The following ATP9B variants were observed in gnomAD, a reference collection of about 807,000 sequenced individuals.
The protein encoded by ATP9B is ATPase phospholipid transporting 9B.
ATP9B carries 110 observed loss-of-function variants against 146.1 expected under a neutral mutation model. That is an observed-to-expected ratio of 0.75 (90% confidence interval 0.65 to 0.88). The LOEUF is 0.88. Ranked by LOEUF, ATP9B falls within the 40% of genes least tolerant of loss-of-function variation. ATP9B has a pLI of 0.00. For missense variants in ATP9B, 1,499 were observed against 1,496.4 expected, an observed-to-expected ratio of 1.00 and a Z score of -0.03; for synonymous variants, 604 against 569.7, an observed-to-expected ratio of 1.06 and a Z score of -0.86.
intron 8 of ATP9B, among the ~76,000 whole-genome samples, chr18:79,177,173 C>G (rs963999554): frequency 7.2e-5 from 11 of 152,130 alleles, no homozygotes; most frequent in Non-Finnish European, 1.6e-4. Flanking sequence ...CCCTTCCTCC[C>G]TGTCCTTGCC....
intron 1 of ATP9B, among the ~76,000 whole-genome samples, chr18:79,096,146 G>GT (rs1485902167): frequency 6.6e-6 from 1 of 152,168 alleles, no homozygotes; most frequent in Non-Finnish European, 1.5e-5. Context: ...CAGAAGATTG[G>GT]TTTTTTCTGA....
At chr18:79,074,969 C>T (rs935192874) in intron 1 of ATP9B, among the ~76,000 whole-genome samples, 28 of 152,128 alleles carry the variant, frequency 1.8e-4, no homozygotes, top group African/African-American at 6.3e-4. Flanking sequence ...GGTAACTATT[C>T]TCTGGCTTTT....
At chr18:79,226,545 T>G (rs2095736160) in intron 11 of ATP9B, among the ~76,000 whole-genome samples, 1 of 152,242 alleles carries the variant, frequency 6.6e-6, no homozygotes, top group African/African-American at 2.4e-5. Flanking sequence ...TGAACACTGG[T>G]GAGCACATGA....
chr18:79,272,559 C>A (rs532200304), intron 12 of ATP9B, among the ~76,000 whole-genome samples: 7 of 152,060 alleles, frequency 4.6e-5, no homozygotes, highest in Non-Finnish European at 7.4e-5. Flanking sequence ...GAATCCTGCA[C>A]GGATACGCTT....
chr18:79,100,780 A>G (rs1568175261), intron 2 of ATP9B, among the ~76,000 whole-genome samples: 1 of 152,202 alleles, frequency 6.6e-6, no homozygotes, highest in Non-Finnish European at 1.5e-5. Context: ...CCTCACAATT[A>G]TGGCAGAAGG....
At chr18:79,096,361 A>C (rs2074780034) in intron 1 of ATP9B, 115 bp from the exon 2 acceptor site, 1 of 1,001,576 alleles carries the variant, frequency 1.0e-6, no homozygotes, top group Non-Finnish European at 1.5e-6. Flanking sequence ...TCTTATTTAT[A>C]ATGCTTTCCC....
chr18:79,117,238 A>G (rs918287439), intron 4 of ATP9B: 4 of 152,226 alleles, frequency 2.6e-5, no homozygotes, highest in African/African-American at 9.6e-5. Flanking sequence ...AGTCTAGGTA[A>G]TGTTGATACA....
chr18:79,251,337 TTTA>T (rs1258790089), intron 11 of ATP9B, among the ~76,000 whole-genome samples: 1 of 152,254 alleles, frequency 6.6e-6, no homozygotes, highest in African/African-American at 2.4e-5. Context: ...CCATGAAGTA[TTTA>T]TTAACCGATG....
intron 7 of ATP9B, among the ~76,000 whole-genome samples, chr18:79,156,163 C>T (rs778800318): frequency 2.0e-5 from 3 of 152,186 alleles, no homozygotes; most frequent in Non-Finnish European, 4.4e-5. Context: ...AATCAAGTGA[C>T]TTCTGTATAC....
intron 8 of ATP9B, among the ~76,000 whole-genome samples, chr18:79,178,792 T>C (rs1347322193): frequency 2.0e-5 from 3 of 152,222 alleles, no homozygotes; most frequent in African/African-American, 7.2e-5. Context: ...GGATGTTTTG[T>C]GCTGATGTTC....
chr18:79,343,535 G>C (rs1194114602), intron 20 of ATP9B: 1 of 151,908 alleles, frequency 6.6e-6, no homozygotes, highest in Non-Finnish European at 1.5e-5. Flanking sequence ...TCAGACACTG[G>C]GTAAAAACTA....
intron 14 of ATP9B, among the ~76,000 whole-genome samples, 179 bp from the exon 15 acceptor site, chr18:79,306,807 G>A (rs1290656179): frequency 6.6e-6 from 1 of 152,102 alleles, no homozygotes; most frequent in Non-Finnish European, 1.5e-5. Context: ...GTGCTTCATA[G>A]TACTAGGCTT....
At chr18:79,176,739 G>T in intron 7 of ATP9B, 74 bp from the exon 8 acceptor site, 1 of 1,221,078 alleles carries the variant, frequency 8.2e-7, no homozygotes, top group East Asian at 2.4e-5. Flanking sequence ...ATTATTCTTT[G>T]ATGGCACCTG....
In ATP9B at chr18:79,285,779, T is replaced by G. The variant is rs2096432611; in HGVS notation, c.1411+8583T>G. On this transcript the variant is annotated intron_variant, in intron 13 of 29. Coordinates refer to ENST00000426216, the MANE Select transcript of ATP9B (RefSeq NM_198531.5). ...TAACGTTTAAGTCTTTAATCCATCT[T>G]GAATTAATTTTTGTATAAGGTGTAA... is the stretch of plus-strand genomic sequence containing the variant. Among the ~76,000 whole-genome samples, 4 of 152,232 alleles carry G rather than the reference T, an allele frequency of 2.6e-5. No homozygotes were observed. The South Asian group carries it at 8.3e-4, about 31-fold the overall frequency.
intron 8 of ATP9B, among the ~76,000 whole-genome samples, chr18:79,185,142 T>C (rs949899510): frequency 1.3e-5 from 2 of 151,982 alleles, no homozygotes; most frequent in African/African-American, 4.8e-5. Flanking sequence ...GTAATGAAAA[T>C]GTTCAGTATC....
intron 29 of ATP9B, chr18:79,375,846 T>G (rs1454622306): frequency 1.0e-6 from 1 of 985,448 alleles, no homozygotes; most frequent in Non-Finnish European, 1.2e-6. Context: ...CCTCTAACTC[T>G]GCTCCATAGA....
At chr18:79,335,790 G>C (rs925036636) in intron 17 of ATP9B, among the ~76,000 whole-genome samples, 1 of 152,228 alleles carries the variant, frequency 6.6e-6, no homozygotes, top group Non-Finnish European at 1.5e-5. Flanking sequence ...CAGATTCACG[G>C]AGTTAGTCCC....
chr18:79,345,663 A>G, intron 22 of ATP9B, 91 bp downstream of exon 22: 2 of 1,598,408 alleles, frequency 1.3e-6, no homozygotes. Flanking sequence ...CTCTAAAACT[A>G]GATTGATTTC....
At chr18:79,113,691 C>A (rs2094013114) in intron 4 of ATP9B, among the ~76,000 whole-genome samples, 1 of 152,146 alleles carries the variant, frequency 6.6e-6, no homozygotes, top group African/African-American at 2.4e-5. Flanking sequence ...GGGGCTGGGG[C>A]TGTGGGTCTG....
Sources: gnomAD v4.1 joint callset for allele counts (sites outside exome capture counted in the v4.1 genomes callset) on GRCh38, gnomAD v4.1.1 for gene constraint, MANE v1.5 for transcripts, NCBI Gene and HGNC (gene_info 2026-07-23, HGNC 2026-07-21) for gene names.